The following GMDS variants were observed in gnomAD, a reference collection of about 807,000 sequenced individuals.
GMDS encodes GDP-mannose 4,6-dehydratase, also known as GDP-mannose 4,6 dehydratase.
In GMDS, 20 loss-of-function variants were observed where a neutral mutation model predicts 49.9. The observed-to-expected ratio is 0.40, with a 90% confidence interval of 0.28 to 0.58. GMDS has a LOEUF of 0.58. GMDS is among the 20% of genes least tolerant of loss of function. The pLI is 0.42. For missense variants in GMDS, 362 were observed against 481.4 expected, an observed-to-expected ratio of 0.75 and a Z score of 2.32; for synonymous variants, 177 against 178.6, an observed-to-expected ratio of 0.99 and a Z score of 0.07.
At chr6:2,226,166 C>T (rs1052129383) in intron 1 of GMDS, among the ~76,000 whole-genome samples, 5 of 152,216 alleles carry the variant, frequency 3.3e-5, no homozygotes, top group Non-Finnish European at 2.9e-5. Flanking sequence ...TTTTCACTCT[C>T]TTCTGGACAC....
chr6:2,206,176 T>C (rs1779798765), intron 1 of GMDS, among the ~76,000 whole-genome samples: 1 of 152,024 alleles, frequency 6.6e-6, no homozygotes, highest in African/African-American at 2.4e-5. Context: ...GAGAATCGCT[T>C]GAACCCGGGA....
chr6:2,029,575 C>T (rs1464572410), intron 4 of GMDS, among the ~76,000 whole-genome samples: 2 of 152,222 alleles, frequency 1.3e-5, no homozygotes, highest in Admixed American at 6.5e-5. Context: ...CCAACCTCTC[C>T]TCCCAGTATA....
intron 7 of GMDS, among the ~76,000 whole-genome samples, chr6:1,901,480 G>T (rs971520185): frequency 1.3e-5 from 2 of 152,124 alleles, no homozygotes; most frequent in Non-Finnish European, 2.9e-5. Context: ...AGGAGGTCAG[G>T]CCACCTATTT....
At chr6:1,883,222 C>T (rs1759444579) in intron 7 of GMDS, among the ~76,000 whole-genome samples, 1 of 152,040 alleles carries the variant, frequency 6.6e-6, no homozygotes, top group South Asian at 2.1e-4. Context: ...GAAACCCCAT[C>T]TCTACTAAAA....
chr6:1,912,343 G>A (rs1161001253), intron 7 of GMDS, among the ~76,000 whole-genome samples: 1 of 152,074 alleles, frequency 6.6e-6, no homozygotes, highest in Admixed American at 6.5e-5. Flanking sequence ...TCCAGCCTGG[G>A]CAACAGAGTG....
At chr6:1,921,108 C>T (rs929860864) in intron 7 of GMDS, among the ~76,000 whole-genome samples, 1 of 152,218 alleles carries the variant, frequency 6.6e-6, no homozygotes, top group African/African-American at 2.4e-5. Context: ...TCATAACCCT[C>T]ATAATCCACG....
chr6:2,064,259 T>C (rs1367979396), intron 4 of GMDS, among the ~76,000 whole-genome samples: 1 of 152,234 alleles, frequency 6.6e-6, no homozygotes, highest in African/African-American at 2.4e-5. Context: ...AATTAAACTT[T>C]GTTAATAATC....
intron 1 of GMDS, among the ~76,000 whole-genome samples, chr6:2,183,095 T>A (rs73420724): frequency 0.11 from 16,674 of 152,212 alleles, 3,023 homozygotes; most frequent in African/African-American, 0.38. Flanking sequence ...GAGGTTAATA[T>A]GTTGTTTTCA....
chr6:2,129,265 C>A (rs1442511763), intron 1 of GMDS, among the ~76,000 whole-genome samples: 3 of 152,106 alleles, frequency 2.0e-5, no homozygotes, highest in African/African-American at 4.8e-5. Context: ...TCCACACATC[C>A]CCCACACACA....
At chr6:1,779,371 C>T (rs1203640286) in intron 7 of GMDS, among the ~76,000 whole-genome samples, 1 of 152,136 alleles carries the variant, frequency 6.6e-6, no homozygotes, top group African/African-American at 2.4e-5. Context: ...TTGCCAATGC[C>T]CAGGGTCACA....
Position 1,801,519 on chromosome 6 carries a change from G to A in GMDS, c.772-58933C>T, listed in dbSNP as rs549190665. Among the ~76,000 whole-genome samples the A allele has an allele frequency of 1.1e-4, 16 of 152,316 alleles. No homozygotes were observed. The East Asian group carries it at 2.7e-3, about 26-fold the overall frequency. On this transcript the variant is annotated intron_variant, in intron 7 of 10. Transcript: ENST00000380815. ...TGTCCAGCTGGAGTGGAGGCAACCC[G>A]CAACATTTTCCATGCAAAACCCACT...
intron 1 of GMDS, among the ~76,000 whole-genome samples, chr6:2,172,154 T>A (rs901403080): frequency 2.0e-5 from 3 of 152,262 alleles, no homozygotes; most frequent in Admixed American, 6.5e-5. Context: ...ATGATGATCA[T>A]CATAAATGAA....
intron 1 of GMDS, among the ~76,000 whole-genome samples, chr6:2,226,210 G>T (rs1189081267): frequency 6.6e-6 from 1 of 152,132 alleles, no homozygotes; most frequent in African/African-American, 2.4e-5. Flanking sequence ...TGTCAAAACT[G>T]CCTTTGGGTG....
intron 9 of GMDS, among the ~76,000 whole-genome samples, 177 bp downstream of exon 9, chr6:1,726,239 G>T (rs541322992): frequency 2.6e-5 from 4 of 152,342 alleles, no homozygotes; most frequent in Admixed American, 2.6e-4. Flanking sequence ...GAAGTTTGTG[G>T]TAAGAATGAT....
At chr6:2,195,226 T>C (rs1427291281) in intron 1 of GMDS, among the ~76,000 whole-genome samples, 3 of 152,174 alleles carry the variant, frequency 2.0e-5, no homozygotes, top group Non-Finnish European at 4.4e-5. Flanking sequence ...GTAGAAGCGA[T>C]AGTACTTAAT....
intron 1 of GMDS, among the ~76,000 whole-genome samples, chr6:2,243,595 G>C (rs546262403): frequency 1.4e-4 from 21 of 152,194 alleles, no homozygotes; most frequent in African/African-American, 4.3e-4. Context: ...GAAGGGGGAG[G>C]ACAGTATGTA....
At chr6:2,053,344 CA>C in intron 4 of GMDS, among the ~76,000 whole-genome samples, 1 of 151,800 alleles carries the variant, frequency 6.6e-6, no homozygotes, top group East Asian at 1.9e-4. Flanking sequence ...CTGGTCTTGA[CA>C]AAGGGAAAGT....
chr6:1,999,320 CAAAAAA>C, intron 4 of GMDS, among the ~76,000 whole-genome samples: 1 of 86,778 alleles, frequency 1.2e-5, no homozygotes, highest in South Asian at 4.0e-4. Context: ...GACTCTGTCT[CAAAAAA>C]AAAAAAAAAA....
chr6:1,877,609 T>C (rs937610597), intron 7 of GMDS, among the ~76,000 whole-genome samples: 1 of 133,454 alleles, frequency 7.5e-6, no homozygotes, highest in Non-Finnish European at 1.5e-5. Context: ...CTGTATTCCA[T>C]CCTGGATGAC....
Sources: allele counts gnomAD v4.1 joint callset (sites outside exome capture counted in the v4.1 genomes callset), GRCh38; gene constraint gnomAD v4.1.1; transcripts MANE v1.5; gene names NCBI Gene and HGNC (gene_info 2026-07-23, HGNC 2026-07-21).